B4GALT4: variants seen among roughly 807,000 people sequenced by gnomAD.
The protein encoded by B4GALT4 is beta-1,4-galactosyltransferase 4.
B4GALT4 carries 27 observed loss-of-function variants against 37.3 expected under a neutral mutation model. The ratio of observed to expected loss-of-function variants is 0.72; its 90% CI spans 0.53 to 1.00. The LOEUF (loss-of-function observed/expected upper bound fraction) is 1.00, where lower values mean the gene tolerates loss of function less well. Ranked by LOEUF, B4GALT4 falls within the 50% of genes least tolerant of loss-of-function variation. The pLI is 0.00. For missense variants in B4GALT4, 372 were observed against 413.1 expected, an observed-to-expected ratio of 0.90 and a Z score of 0.86; for synonymous variants, 148 against 154.1, an observed-to-expected ratio of 0.96 and a Z score of 0.29.
chr3:119,213,294 T>G (rs1352151546), intron 7 of B4GALT4: 1 of 152,268 alleles, frequency 6.6e-6, no homozygotes, highest in East Asian at 1.9e-4. Flanking sequence ...AGGATGCATT[T>G]AAAGAAGTCA....
chr3:119,218,771 AC>A lies in B4GALT4; in HGVS notation c.675del (p.Arg225SerfsTer14). 1 of 1,614,024 alleles carries A rather than the reference AC, an allele frequency of 6.2e-7. No individual in the cohort carries two copies. The highest frequency in any genetic ancestry group is 8.5e-7 in the Non-Finnish European group (1 of 1,179,994). ...LVVGRNSTGY[R>X]LRYSGYFGGV... ...CCCCCAAAATATCCACTGTAACGTA[AC>A]CTGGAGCAAAAGAGATGAGAGAAAT... is the stretch of plus-strand genomic sequence containing the variant. On this transcript the variant is annotated frameshift_variant and splice_region_variant, in exon 6 of 8. Coordinates refer to ENST00000393765, the MANE Select transcript of B4GALT4 (RefSeq NM_003778.4). LOFTEE classifies it high-confidence loss of function.
At chr3:119,223,148 A>C (rs556239591) in intron 5 of B4GALT4, among the ~76,000 whole-genome samples, 1 of 152,230 alleles carries the variant, frequency 6.6e-6, no homozygotes, top group African/African-American at 2.4e-5. Context: ...CTCCTTACCA[A>C]GTGCTTATAG....
chr3:119,221,036 A>G (rs1239043267), intron 5 of B4GALT4, among the ~76,000 whole-genome samples: 1 of 151,418 alleles, frequency 6.6e-6, no homozygotes, highest in Non-Finnish European at 1.5e-5. Context: ...GATGACAACT[A>G]TCTCTGTGTT....
At chr3:119,226,444 T>TAATGACA (rs2078621400) in intron 4 of B4GALT4, 1 of 248,154 alleles carries the variant, frequency 4.0e-6, no homozygotes. Context: ...CTATGGTTGA[T>TAATGACA]AATGACAGAC....
chr3:119,223,924 A>T, intron 5 of B4GALT4, 134 bp downstream of exon 5: 1 of 847,772 alleles, frequency 1.2e-6, no homozygotes, highest in Non-Finnish European at 1.7e-6. Context: ...TTTGCACTTT[A>T]AGTGATGCAT....
At chr3:119,214,719 TGAA>T (rs1363314522) in intron 7 of B4GALT4, 1 of 152,030 alleles carries the variant, frequency 6.6e-6, no homozygotes, top group African/African-American at 2.4e-5. Flanking sequence ...CCCAAATACA[TGAA>T]AAGGGAAAGT....
Position 119,229,954 on chromosome 3 carries a change from G to A in B4GALT4, c.146C>T (p.Ala49Val). 1 of 1,614,124 alleles carries A rather than the reference G, an allele frequency of 6.2e-7. No individual in the cohort carries two copies. Among genetic ancestry groups the A allele is most frequent in the South Asian group, 1.1e-5 (1 of 91,076 alleles). Reference protein sequence around the residue: ...QEIPKAKEFMANFHKTLILGK... With the variant: ...QEIPKAKEFMVNFHKTLILGK... ...CAAAATGAGGGTCTTATGGAAATTAGCCATGAACTCCTTTGCTTTAGGAAT... is the reference window on the plus strand; with the variant it reads ...CAAAATGAGGGTCTTATGGAAATTAACCATGAACTCCTTTGCTTTAGGAAT... The change falls in exon 3 of 8, where the codon GCT (alanine) becomes GTT (valine). Residue 49 changes from alanine to valine, a missense_variant. Coordinates refer to ENST00000393765, the MANE Select transcript of B4GALT4 (RefSeq NM_003778.4).
chr3:119,239,458 T>C (rs1204674492), intron 1 of B4GALT4, among the ~76,000 whole-genome samples: 1 of 152,222 alleles, frequency 6.6e-6, no homozygotes, highest in Non-Finnish European at 1.5e-5. Context: ...TTGCTTTGGA[T>C]GTTTCCACTG....
chr3:119,223,690 G>C (rs1481736555), intron 5 of B4GALT4, among the ~76,000 whole-genome samples: 2 of 128,320 alleles, frequency 1.6e-5, no homozygotes, highest in Non-Finnish European at 3.6e-5. Context: ...AAGGACACCA[G>C]CCTGTTGCCT....
At chr3:119,239,253 G>C (rs2079075773) in intron 1 of B4GALT4, among the ~76,000 whole-genome samples, 2 of 150,920 alleles carry the variant, frequency 1.3e-5, no homozygotes, top group South Asian at 4.2e-4. Flanking sequence ...TTGAACCTGA[G>C]AGGTGTAGGT....
intron 2 of B4GALT4, among the ~76,000 whole-genome samples, chr3:119,232,140 A>G (rs1290749552): frequency 6.6e-6 from 1 of 152,158 alleles, no homozygotes; most frequent in African/African-American, 2.4e-5. Context: ...ATAGATGAAA[A>G]GGGAGGTTAG....
intron 6 of B4GALT4, among the ~76,000 whole-genome samples, chr3:119,216,689 T>C (rs892667809): frequency 6.6e-6 from 1 of 152,154 alleles, no homozygotes; most frequent in Admixed American, 6.5e-5. Flanking sequence ...TCCTGAAGAA[T>C]AGGAGAATCA....
chr3:119,220,803 T>C (rs943789299), intron 5 of B4GALT4, among the ~76,000 whole-genome samples: 1 of 152,030 alleles, frequency 6.6e-6, no homozygotes, highest in Non-Finnish European at 1.5e-5. Flanking sequence ...TGGCTAACAC[T>C]GCGAAACCCC....
chr3:119,235,696 A>T (rs929263339), intron 2 of B4GALT4, among the ~76,000 whole-genome samples: 3 of 152,232 alleles, frequency 2.0e-5, no homozygotes, highest in African/African-American at 7.2e-5. Flanking sequence ...CTAAAGGGAC[A>T]GTGGTTCCCT....
chr3:119,219,779 T>C (rs2078397171), intron 5 of B4GALT4, among the ~76,000 whole-genome samples: 1 of 152,236 alleles, frequency 6.6e-6, no homozygotes, highest in South Asian at 2.1e-4. Flanking sequence ...TGGACAAATT[T>C]GTAAATCTCA....
chr3:119,232,439 G>A (rs2078850922), intron 2 of B4GALT4: 1 of 152,242 alleles, frequency 6.6e-6, no homozygotes, highest in Non-Finnish European at 1.5e-5. Flanking sequence ...CACACGACTA[G>A]TAAGTGGTAG....
chr3:119,224,072 G>A lies in B4GALT4; in HGVS notation c.660C>T (p.Asn220=). Residue 220 remains asparagine, a synonymous_variant, in exon 5 of 8, where the codon AAC becomes AAT. Coordinates refer to ENST00000393765, the MANE Select transcript of B4GALT4 (RefSeq NM_003778.4). ...EHPKHLVVGR[N]STGYRLRYSG... ...AACCACCTTACCTGTACCCAGTGCT[G>A]TTCCTGCCAACCACCAGATGCTTGG... is the stretch of plus-strand genomic sequence containing the variant. The A allele has an allele frequency of 3.1e-6, 5 of 1,613,370 alleles. No individual in the cohort carries two copies. Among genetic ancestry groups the A allele is most frequent in the Non-Finnish European group, 4.2e-6 (5 of 1,179,718 alleles).
At chr3:119,227,795 G>C (rs2078670665) in intron 3 of B4GALT4, among the ~76,000 whole-genome samples, 1 of 152,256 alleles carries the variant, frequency 6.6e-6, no homozygotes, top group East Asian at 1.9e-4. Context: ...CTTGCAAATT[G>C]AGCTATCCCC....
At chr3:119,212,895 T>C (rs2078198718) in intron 7 of B4GALT4, 1 of 488,930 alleles carries the variant, frequency 2.0e-6, no homozygotes, top group Non-Finnish European at 3.6e-6. Flanking sequence ...CGGGGACCCA[T>C]GATGAAAAGT....
Sources: gnomAD v4.1 joint callset for allele counts (sites outside exome capture counted in the v4.1 genomes callset) on GRCh38, gnomAD v4.1.1 for gene constraint, MANE v1.5 for transcripts, NCBI Gene and HGNC (gene_info 2026-07-23, HGNC 2026-07-21) for gene names.